FRK: variants seen among roughly 807,000 people sequenced by gnomAD.
The protein encoded by FRK is fyn related Src family tyrosine kinase.
A neutral mutation model predicts 56.4 loss-of-function variants in FRK; 51 were observed. That is an observed-to-expected ratio of 0.90 (90% CI 0.72 to 1.14). FRK has a LOEUF of 1.14. Ranked by LOEUF, FRK falls within the 50% of genes most tolerant of loss-of-function variation. The pLI, the probability that FRK is intolerant of heterozygous loss-of-function variation, is 0.00. For missense variants in FRK, 570 were observed against 601.4 expected (o/e 0.95, Z 0.55); for synonymous variants, 245 against 217.9 (o/e 1.12, Z -1.10).
chr6:116,089,710 G>A, the FRK span, among the ~76,000 whole-genome samples: 1 of 152,142 alleles, frequency 6.6e-6, no homozygotes, highest in Admixed American at 6.5e-5. Flanking sequence ...CAGACAGATT[G>A]GATCTGGGCC....
intron 4 of FRK, among the ~76,000 whole-genome samples, chr6:115,960,322 T>C (rs1468919847): frequency 2.6e-5 from 4 of 151,198 alleles, no homozygotes; most frequent in South Asian, 2.1e-4. Flanking sequence ...CACCCGAATA[T>C]TGCGCTTTTC....
chr6:115,971,805 A>G (rs556389672), intron 2 of FRK, among the ~76,000 whole-genome samples: 1 of 152,200 alleles, frequency 6.6e-6, no homozygotes, highest in South Asian at 2.1e-4. Context: ...GGCAAAAGGC[A>G]GCAGTGGAAA....
chr6:116,013,479 A>C (rs1185613330), intron 1 of FRK, among the ~76,000 whole-genome samples: 1 of 152,208 alleles, frequency 6.6e-6, no homozygotes, highest in African/African-American at 2.4e-5. Flanking sequence ...GATTTTGTAC[A>C]ACATTTGTGA....
At chr6:115,962,205 A>C (rs2114584401) in intron 4 of FRK, among the ~76,000 whole-genome samples, 1 of 127,090 alleles carries the variant, frequency 7.9e-6, no homozygotes, top group South Asian at 3.1e-4. Context: ...AGGAAGATCT[A>C]CCAAGCCAAT....
the FRK span, among the ~76,000 whole-genome samples, chr6:116,076,396 C>T: frequency 6.6e-6 from 1 of 152,116 alleles, no homozygotes; most frequent in Non-Finnish European, 1.5e-5. Context: ...TTGTATTTCA[C>T]ATATTTTAAT....
intron 1 of FRK, among the ~76,000 whole-genome samples, chr6:116,052,195 C>T (rs181821115): frequency 5.3e-4 from 81 of 152,252 alleles, no homozygotes; most frequent in African/African-American, 1.4e-3. Context: ...ATTTTCTCCC[C>T]AGAGGTGGAT....
rs1446306546 is a variant in FRK, at chr6:115,960,595, C to T, written c.800-3985G>A. On this transcript the variant is annotated intron_variant, in intron 4 of 7. Transcript: ENST00000606080. ...GTAGGCTCCACCTCTGGGGGCAGGG[C>T]ACAGACAAACAAAAAGACAGCAGTA... Among the ~76,000 whole-genome samples, 821 of 123,732 alleles carry T rather than the reference C, an allele frequency of 6.6e-3. 3 individuals carry two copies. The highest frequency in any genetic ancestry group is 9.5e-3 in the Non-Finnish European group (563 of 59,230). 81.2% of individuals were successfully genotyped at this position (123,732 alleles called of 152,430 possible).
In FRK at chr6:115,941,986, C is replaced by A; in HGVS notation, c.*428G>T. 6.1e-6 allele frequency: 1 copy of A among 163,038 alleles called. No individual in the cohort carries two copies. Among genetic ancestry groups the A allele is most frequent in the Non-Finnish European group, 1.3e-5 (1 of 74,546 alleles). 10.1% of individuals were successfully genotyped at this position (163,038 alleles called of 1,614,324 possible). A position where few individuals can be genotyped will look rare whatever the true frequency, so the allele number is the denominator to read the frequency against. On this transcript the variant is annotated 3_prime_UTR_variant, in exon 8 of 8. Transcript: ENST00000606080. ...GCTGTGCAGCAAAGCAATCAAATTC[C>A]TTCATAATAACAGCCTGATGGGATT...
chr6:116,100,208 T>C, the FRK span, among the ~76,000 whole-genome samples: 2 of 152,350 alleles, frequency 1.3e-5, no homozygotes, highest in Non-Finnish European at 2.9e-5. Flanking sequence ...ATAACCAATA[T>C]TGGTTTCCAT....
In FRK at chr6:116,012,270, G is replaced by A. The variant is rs572854984; in HGVS notation, c.345-8272C>T. On this transcript the variant is annotated intron_variant, in intron 1 of 7. Transcript: ENST00000606080. ...AAATAAGGGGTATTTTGCTTATGGA[G>A]TAAAACCTCTATTAACCTGGAAATT... 1.9e-3 allele frequency among the ~76,000 whole-genome samples: 294 copies of A among 152,234 alleles called. 1 individual carries two copies. Among genetic ancestry groups the A allele is most frequent in the Non-Finnish European group, 3.7e-3 (251 of 68,028 alleles).
At chr6:116,007,797 T>G (rs1002112728) in intron 1 of FRK, among the ~76,000 whole-genome samples, 1 of 152,162 alleles carries the variant, frequency 6.6e-6, no homozygotes, top group Admixed American at 6.5e-5. Flanking sequence ...TCCAGGCAAT[T>G]TAATGGTTTC....
the FRK span, among the ~76,000 whole-genome samples, chr6:116,098,972 A>G: frequency 3.9e-5 from 6 of 152,342 alleles, no homozygotes; most frequent in African/African-American, 1.4e-4. Context: ...TTCTCCCACA[A>G]AGTTTAAATG....
At chr6:116,048,666 A>G (rs949847316) in intron 1 of FRK, among the ~76,000 whole-genome samples, 3 of 152,152 alleles carry the variant, frequency 2.0e-5, no homozygotes, top group African/African-American at 7.2e-5. Context: ...GATCACAGGC[A>G]TGAGCCACCA....
intron 1 of FRK, among the ~76,000 whole-genome samples, chr6:116,038,307 C>A (rs1450657402): frequency 1.3e-5 from 2 of 151,974 alleles, no homozygotes; most frequent in South Asian, 4.2e-4. Context: ...ATTTAAGGTT[C>A]TAAAATGTAA....
intron 1 of FRK, among the ~76,000 whole-genome samples, chr6:116,049,571 T>C (rs1233476159): frequency 2.0e-5 from 3 of 152,204 alleles, no homozygotes; most frequent in Non-Finnish European, 4.4e-5. Flanking sequence ...ATGATAAAAG[T>C]ACAGGCTCTG....
intron 1 of FRK, among the ~76,000 whole-genome samples, chr6:116,050,969 G>A (rs898094249): frequency 2.0e-5 from 3 of 152,092 alleles, no homozygotes; most frequent in Non-Finnish European, 4.4e-5. Context: ...TCGTATGTCA[G>A]AATTAATTAT....
In FRK at chr6:115,940,024, C is replaced by T. The variant is rs1260457957; in HGVS notation, c.*2390G>A. 1 of 152,194 alleles carries T rather than the reference C, an allele frequency of 6.6e-6. No homozygotes were observed. Among genetic ancestry groups the T allele is most frequent in the Non-Finnish European group, 1.5e-5 (1 of 68,044 alleles). The allele number at this position is 152,194 out of a possible 1,614,324, so 9.4% of individuals were successfully genotyped here. A position where few individuals can be genotyped will look rare whatever the true frequency, so the allele number is the denominator to read the frequency against. On this transcript the variant is annotated 3_prime_UTR_variant, in exon 8 of 8. Coordinates refer to ENST00000606080, the MANE Select transcript of FRK (RefSeq NM_002031.3). ...CAAAAAAGAGCCCGCATAGCCAAGA[C>T]AATTCTAAGCAAAAAGAACAAAGTT... is the stretch of plus-strand genomic sequence containing the variant.
chr6:115,976,217 A>G (rs1020209265), intron 2 of FRK, among the ~76,000 whole-genome samples: 2 of 152,142 alleles, frequency 1.3e-5, no homozygotes, highest in Non-Finnish European at 2.9e-5. Context: ...TTTGAGGTAG[A>G]AAAGGGTTTC....
At chr6:115,971,833 C>T (rs911475764) in intron 2 of FRK, among the ~76,000 whole-genome samples, 1 of 152,204 alleles carries the variant, frequency 6.6e-6, no homozygotes. Context: ...TGGGTGCCTT[C>T]CTCTCTGTTT....
Sources: allele counts gnomAD v4.1 joint callset (sites outside exome capture counted in the v4.1 genomes callset), GRCh38; gene constraint gnomAD v4.1.1; transcripts MANE v1.5; gene names NCBI Gene and HGNC (gene_info 2026-07-23, HGNC 2026-07-21).